Variants in PDE7B observed in about 807,000 individuals in gnomAD.
The protein encoded by PDE7B is phosphodiesterase 7B, also known as 3',5'-cyclic-AMP phosphodiesterase 7B.
In PDE7B, 29 loss-of-function variants were observed where a neutral mutation model predicts 56.2. The ratio of observed to expected loss-of-function variants is 0.52; its 90% CI spans 0.38 to 0.70. PDE7B has a LOEUF of 0.70. Ranked by LOEUF, PDE7B falls within the 30% of genes least tolerant of loss-of-function variation. The probability of loss-of-function intolerance (pLI) is 0.00; values close to 1 mark genes in which losing one functional copy is unlikely to be tolerated. For missense variants in PDE7B, 490 were observed against 565.0 expected (o/e 0.87, Z 1.35); for synonymous variants, 197 against 196.9 (o/e 1.00, Z 0.00).
At chr6:136,069,080 C>G (rs763865249) in intron 2 of PDE7B, among the ~76,000 whole-genome samples, 15 of 152,188 alleles carry the variant, frequency 9.9e-5, no homozygotes, top group Non-Finnish European at 2.2e-4. Context: ...CCCTTCCCCT[C>G]ATAGCCTGAA....
chr6:136,170,839 G>A (rs1052384853), intron 8 of PDE7B, among the ~76,000 whole-genome samples: 1 of 152,006 alleles, frequency 6.6e-6, no homozygotes, highest in African/African-American at 2.4e-5. Flanking sequence ...TATCTTCCAT[G>A]ATAACCCATT....
intron 3 of PDE7B, among the ~76,000 whole-genome samples, 186 bp downstream of exon 3, chr6:136,109,000 G>C (rs759382210): frequency 5.3e-5 from 8 of 152,106 alleles, no homozygotes; most frequent in African/African-American, 7.2e-5. Flanking sequence ...TTCTGGCCCT[G>C]CACTGCCTCT....
At chr6:135,863,439 G>A (rs890063467) in intron 1 of PDE7B, among the ~76,000 whole-genome samples, 1 of 151,936 alleles carries the variant, frequency 6.6e-6, no homozygotes, top group Non-Finnish European at 1.5e-5. Flanking sequence ...AGTTCTTGGG[G>A]AGCCAAAACC....
chr6:136,151,816 G>A (rs1410873753), intron 6 of PDE7B, among the ~76,000 whole-genome samples: 1 of 66,462 alleles, frequency 1.5e-5, no homozygotes, highest in South Asian at 4.4e-4. Flanking sequence ...GCAGGTGCCT[G>A]TAATCCCAGC....
At chr6:136,003,206 G>A (rs1394954382) in intron 2 of PDE7B, among the ~76,000 whole-genome samples, 1 of 152,050 alleles carries the variant, frequency 6.6e-6, no homozygotes, top group East Asian at 1.9e-4. Context: ...AAAGCAGTGT[G>A]TAGAGGGAAA....
At chr6:135,967,788 G>A (rs555841925) in intron 2 of PDE7B, among the ~76,000 whole-genome samples, 5 of 152,236 alleles carry the variant, frequency 3.3e-5, no homozygotes, top group South Asian at 2.1e-4. Context: ...ATGAATACTC[G>A]TATAAGGAGA....
intron 1 of PDE7B, among the ~76,000 whole-genome samples, chr6:135,906,018 C>T (rs948005910): frequency 6.6e-6 from 1 of 152,026 alleles, no homozygotes; most frequent in African/African-American, 2.4e-5. Flanking sequence ...AACTTCAGCC[C>T]GGTTTTTTCA....
chr6:135,941,383 T>C (rs1774504515), intron 1 of PDE7B, among the ~76,000 whole-genome samples: 1 of 152,260 alleles, frequency 6.6e-6, no homozygotes, highest in Non-Finnish European at 1.5e-5. Context: ...TGCAATAGCA[T>C]TCAGTGTTTA....
Position 135,851,961 on chromosome 6 carries a change from A to G in PDE7B, c.-38A>G, listed in dbSNP as rs765539093. ...ACAAGCAGCACCGCTCAGAGATTTC[A>G]CGGCATTCAAAGGTCACAGAACTGC... On this transcript the variant is annotated 5_prime_UTR_variant, in exon 1 of 13. Transcript: ENST00000308191. The G allele has an allele frequency of 6.4e-7, 1 of 1,558,598 alleles. No homozygotes were observed. Among genetic ancestry groups the G allele is most frequent in the South Asian group, 1.1e-5 (1 of 89,932 alleles).
At chr6:136,150,857 G>A (rs1481702282) in intron 5 of PDE7B, among the ~76,000 whole-genome samples, 2 of 147,728 alleles carry the variant, frequency 1.4e-5, no homozygotes, top group African/African-American at 2.6e-5. Flanking sequence ...ATATACACAT[G>A]TGTGTGTGTG....
chr6:136,098,813 A>G (rs1007933270), intron 2 of PDE7B, among the ~76,000 whole-genome samples: 2 of 151,770 alleles, frequency 1.3e-5, no homozygotes, highest in Non-Finnish European at 2.9e-5. Context: ...TCTAGGGTAC[A>G]TGAGCACAAC....
intron 1 of PDE7B, among the ~76,000 whole-genome samples, chr6:135,866,172 C>G (rs1259194582): frequency 3.9e-5 from 6 of 152,094 alleles, no homozygotes. Flanking sequence ...TCCTCTTCCT[C>G]TCACCACCAC....
At chr6:136,012,982 A>G (rs1775918814) in intron 2 of PDE7B, among the ~76,000 whole-genome samples, 2 of 152,226 alleles carry the variant, frequency 1.3e-5, no homozygotes, top group South Asian at 4.1e-4. Flanking sequence ...GATTTCATCC[A>G]ATATAACAAG....
At chr6:135,891,053 C>T (rs1417448839) in intron 1 of PDE7B, among the ~76,000 whole-genome samples, 3 of 152,176 alleles carry the variant, frequency 2.0e-5, no homozygotes, top group African/African-American at 2.4e-5. Flanking sequence ...GAATTACATA[C>T]GCATCTTAAA....
At chr6:135,950,010 A>G (rs1045563984) in intron 2 of PDE7B, among the ~76,000 whole-genome samples, 7 of 152,244 alleles carry the variant, frequency 4.6e-5, no homozygotes, top group Non-Finnish European at 1.0e-4. Context: ...GAAATCTTAG[A>G]TGGAAGAATA....
intron 3 of PDE7B, among the ~76,000 whole-genome samples, chr6:136,139,328 C>T (rs189088276): frequency 2.0e-5 from 3 of 152,144 alleles, no homozygotes; most frequent in South Asian, 2.1e-4. Context: ...CATAGTATTC[C>T]GTGGTGTATA....
chr6:136,174,379 A>AT (rs1301839562), intron 9 of PDE7B, among the ~76,000 whole-genome samples: 3 of 152,236 alleles, frequency 2.0e-5, no homozygotes, highest in South Asian at 2.1e-4. Context: ...TGGCCCTAGC[A>AT]TTTTTTTCAC....
At chr6:136,012,744 C>T (rs1562469322) in intron 2 of PDE7B, 1 of 152,068 alleles carries the variant, frequency 6.6e-6, no homozygotes, top group Non-Finnish European at 1.5e-5. Context: ...GTGTTAAAGC[C>T]TACATACAGA....
At chr6:136,003,541 G>A (rs867307249) in intron 2 of PDE7B, among the ~76,000 whole-genome samples, 2 of 152,024 alleles carry the variant, frequency 1.3e-5, no homozygotes, top group Non-Finnish European at 1.5e-5. Context: ...TCCCACAGAA[G>A]TACAAACTAC....
Sources: gnomAD v4.1 joint callset for allele counts (sites outside exome capture counted in the v4.1 genomes callset) on GRCh38, gnomAD v4.1.1 for gene constraint, MANE v1.5 for transcripts, NCBI Gene and HGNC (gene_info 2026-07-23, HGNC 2026-07-21) for gene names.